The following RIF1 variants were observed in gnomAD, a reference collection of about 807,000 sequenced individuals.
RIF1 encodes replication timing regulatory factor 1.
A neutral mutation model predicts 247.1 loss-of-function variants in RIF1; 45 were observed. That is an observed-to-expected ratio of 0.18 (90% CI 0.14 to 0.23). The LOEUF (loss-of-function observed/expected upper bound fraction) is 0.23, where lower values mean the gene tolerates loss of function less well. Ranked by LOEUF, RIF1 falls within the 10% of genes least tolerant of loss-of-function variation. The pLI, the probability that RIF1 is intolerant of heterozygous loss-of-function variation, is 1.00. For missense variants in RIF1, 2,967 were observed against 2,862.5 expected (o/e 1.04, Z -0.83); for synonymous variants, 1,087 against 978.8 (o/e 1.11, Z -2.06).
intron 14 of RIF1, among the ~76,000 whole-genome samples, 161 bp downstream of exon 14, chr2:151,438,907 A>G (rs1368255633): frequency 6.6e-6 from 1 of 152,242 alleles, no homozygotes; most frequent in Non-Finnish European, 1.5e-5. Context: ...TAATGTTTGA[A>G]GAACACTGGG....
At chr2:151,500,528 G>T (rs1417637189) in intron 11 of RIF1, among the ~76,000 whole-genome samples, 1 of 150,928 alleles carries the variant, frequency 6.6e-6, no homozygotes, top group African/African-American at 2.4e-5. Context: ...AAAATCAGAA[G>T]GCCTGGATTT....
intron 30 of RIF1, among the ~76,000 whole-genome samples, chr2:151,467,352 T>C (rs1322995297): frequency 2.6e-5 from 4 of 152,318 alleles, no homozygotes; most frequent in African/African-American, 7.2e-5. Context: ...TTTTGTTTGT[T>C]TGTTTTTTGA....
intron 10 of RIF1, 81 bp downstream of exon 10, chr2:151,433,309 G>A (rs1317095564): frequency 1.2e-5 from 14 of 1,154,778 alleles, no homozygotes; most frequent in Non-Finnish European, 1.5e-5. Context: ...ATCCTGTGGT[G>A]TTATTTTTGC....
intron 8 of RIF1, among the ~76,000 whole-genome samples, chr2:151,428,193 C>A (rs1009859566): frequency 1.1e-4 from 17 of 152,160 alleles, no homozygotes; most frequent in Admixed American, 5.2e-4. Flanking sequence ...GGCACCACTG[C>A]ACTGTAGCCT....
At chr2:151,526,245 T>C in the RIF1 span, 35,613 of 1,611,434 alleles carry the variant, frequency 0.022, 501 homozygotes, top group African/African-American at 0.056. Context: ...CCTTGACATG[T>C]TTCTCTTTGT....
the RIF1 span, chr2:151,516,458 C>G: frequency 6.2e-7 from 1 of 1,603,042 alleles, no homozygotes; most frequent in Non-Finnish European, 8.5e-7. Context: ...TTTTGACTTA[C>G]CCCACTCTGC....
At chr2:151,518,287 C>T in the RIF1 span, 1 of 1,474,768 alleles carries the variant, frequency 6.8e-7, no homozygotes, top group Non-Finnish European at 9.5e-7. Flanking sequence ...TGAATGTGCG[C>T]CAGAGGAAAA....
chr2:151,465,423 A>C lies in RIF1; in HGVS notation c.5903A>C (p.Glu1968Ala). Residue 1968 changes from glutamate (E) to alanine (A), a missense_variant, in exon 30 of 36, where the codon GAA (glutamate) becomes GCA (alanine). This residue lies in a region of RIF1 where 2,028 missense variants were observed against 1,825.6 expected (regional missense o/e 1.11). Coordinates refer to ENST00000444746, the MANE Select transcript of RIF1 (RefSeq NM_018151.5). The stretch of plus-strand genomic sequence containing the variant: ...AATGCCAAAGAAGTAGCAACTGAGG[A>C]ATTTAATTCAGATATTAGTCTTTCT... ...KLNAKEVATEEFNSDISLSDN... is the reference protein window; with the variant it reads ...KLNAKEVATEAFNSDISLSDN... The C allele has an allele frequency of 6.2e-7, 1 of 1,613,842 alleles. No individual in the cohort carries two copies. The highest frequency in any genetic ancestry group is 1.1e-5 in the South Asian group (1 of 91,002).
intron 8 of RIF1, among the ~76,000 whole-genome samples, chr2:151,426,641 T>TC (rs770334974): frequency 3.9e-5 from 6 of 151,974 alleles, no homozygotes; most frequent in Non-Finnish European, 8.8e-5. Flanking sequence ...AACACAGATG[T>TC]CTTTCCATTT....
At chr2:151,533,338 G>A in the RIF1 span, 2 of 743,682 alleles carry the variant, frequency 2.7e-6, no homozygotes, top group Non-Finnish European at 4.5e-6. Flanking sequence ...ACCATATGAA[G>A]CCAGCATGGG....
chr2:151,464,771 A>G lies in RIF1; in HGVS notation c.5251A>G (p.Asn1751Asp), dbSNP rs768193834. The G allele has an allele frequency of 9.9e-6, 16 of 1,614,010 alleles. No individual in the cohort carries two copies. The highest frequency in any genetic ancestry group is 4.4e-5 in the South Asian group (4 of 91,060). Residue 1751 changes from asparagine (N) to aspartate (D), a missense_variant, in exon 30 of 36, where the codon AAT becomes GAT. Transcript: ENST00000444746. ...PQEKSLIGLK[N>D]TENNDVEISE... The stretch of plus-strand genomic sequence containing the variant: ...GGAAAAGTCACTCATTGGGTTAAAG[A>G]ATACAGAAAATAATGACGTAGAGAT...
the RIF1 span, chr2:151,514,764 C>A: frequency 8.2e-7 from 1 of 1,224,082 alleles, no homozygotes; most frequent in Admixed American, 2.1e-5. Context: ...TAATGAGTGT[C>A]ACTAGTGCAA....
At chr2:151,505,773 T>G (rs1473163255) in intron 12 of RIF1, among the ~76,000 whole-genome samples, 1 of 152,152 alleles carries the variant, frequency 6.6e-6, no homozygotes, top group Non-Finnish European at 1.5e-5. Flanking sequence ...GCTTTGTCTC[T>G]CTCTCGTCTC....
the RIF1 span, chr2:151,526,917 C>T: frequency 6.3e-7 from 1 of 1,578,390 alleles, no homozygotes; most frequent in Non-Finnish European, 8.6e-7. Flanking sequence ...TAGGTACTTA[C>T]ATCACTTTCT....
rs761554827 is a variant in RIF1 at position 151,437,287 on chromosome 2, A to G, written c.1419A>G (p.Lys473=). ...PLISSPSFFS[K]HANTLITAVH... The stretch of plus-strand genomic sequence containing the variant: ...TCAGCAGCCCTTCCTTTTTTTCCAA[A>G]CATGCAAATACACTTATCACTGCTG... Residue 473 remains lysine, a synonymous_variant, in exon 13 of 36, where the codon AAA becomes AAG. Coordinates refer to ENST00000444746, the MANE Select transcript of RIF1 (RefSeq NM_018151.5). 9.7e-5 allele frequency: 156 copies of G among 1,613,752 alleles called. No individual in the cohort carries two copies. The highest frequency in any genetic ancestry group is 1.1e-4 in the Non-Finnish European group (129 of 1,179,912).
chr2:151,452,529 C>CTCCA (rs1694496253), intron 21 of RIF1, among the ~76,000 whole-genome samples: 13 of 152,060 alleles, frequency 8.5e-5, no homozygotes, highest in Non-Finnish European at 1.8e-4. Flanking sequence ...TGAATTTTTA[C>CTCCA]TAAGTAGCAA....
chr2:151,494,161 C>G lies in RIF1; in HGVS notation c.*416-1068C>G, dbSNP rs202048855. The G allele has an allele frequency of 3.8e-5, 61 of 1,601,982 alleles. No homozygotes were observed. The East Asian group carries it at 1.3e-3, about 35-fold the overall frequency. ...GCACTTTTGTTTCTCAAGACAATAC[C>G]GAGCTAATGTTTTCTTGATTGCGTT... is the stretch of plus-strand genomic sequence containing the variant. On this transcript the variant is annotated intron_variant and NMD_transcript_variant, in intron 9 of 13. Transcript: ENST00000454583.
intron 10 of RIF1, chr2:151,497,330 TGAG>T: frequency 1.0e-6 from 1 of 980,868 alleles, no homozygotes; most frequent in Non-Finnish European, 1.2e-6. Context: ...AACAATTATA[TGAG>T]GATTTGAGAC....
In RIF1 at chr2:151,480,786, G is replaced by T. The variant is rs2049134751; in HGVS notation, c.*5715G>T. On this transcript the variant is annotated 3_prime_UTR_variant, in exon 36 of 36. Coordinates refer to ENST00000444746, the MANE Select transcript of RIF1 (RefSeq NM_018151.5). ...AGAATTTTTTATTTTTATAGAATAG[G>T]AAGTTTCTAAAAGAAAACAATTAAG... The T allele has an allele frequency of 6.6e-6, 1 of 152,078 alleles. No homozygotes were observed. The highest frequency in any genetic ancestry group is 2.4e-5 in the African/African-American group (1 of 41,416). 9.4% of individuals were successfully genotyped at this position (152,078 alleles called of 1,614,324 possible).
Sources: allele counts gnomAD v4.1 joint callset (sites outside exome capture counted in the v4.1 genomes callset), GRCh38; gene constraint gnomAD v4.1.1; regional missense constraint gnomAD v4.1.1; transcripts MANE v1.5; gene names NCBI Gene and HGNC (gene_info 2026-07-23, HGNC 2026-07-21).